The following MEGF10 variants were observed in gnomAD, a reference collection of about 807,000 sequenced individuals.
MEGF10 encodes multiple EGF like domains 10.
In MEGF10, 86 loss-of-function variants were observed where a neutral mutation model predicts 147.5. The ratio of observed to expected loss-of-function variants is 0.58; its 90% CI spans 0.49 to 0.70. MEGF10 has a LOEUF of 0.70. MEGF10 is among the 30% of genes least tolerant of loss of function. The pLI, the probability that MEGF10 is intolerant of heterozygous loss-of-function variation, is 0.00. For synonymous variants in MEGF10, 478 were observed against 525.5 expected, an observed-to-expected ratio of 0.91 and a Z score of 1.24; for missense variants, 1,329 against 1,487.3, an observed-to-expected ratio of 0.89 and a Z score of 1.75.
intron 1 of MEGF10, among the ~76,000 whole-genome samples, chr5:127,319,264 C>G (rs1033112570): frequency 6.6e-6 from 1 of 151,976 alleles, no homozygotes; most frequent in Non-Finnish European, 1.5e-5. Context: ...TTAGTAGAGA[C>G]AGGGTTTTAC....
At chr5:127,391,128 A>G (rs1304263671) in intron 5 of MEGF10, among the ~76,000 whole-genome samples, 4 of 118,444 alleles carry the variant, frequency 3.4e-5, no homozygotes, top group African/African-American at 8.6e-5. Flanking sequence ...ACACACACAC[A>G]CACACACACA....
intron 1 of MEGF10, among the ~76,000 whole-genome samples, chr5:127,317,553 C>T (rs146399887): frequency 0.015 from 2,307 of 152,194 alleles, 45 homozygotes; most frequent in Non-Finnish European, 0.02. Context: ...GTACACACCA[C>T]GGAATACTAT....
At chr5:127,247,084 G>A in the MEGF10 span, among the ~76,000 whole-genome samples, 2 of 139,484 alleles carry the variant, frequency 1.4e-5, no homozygotes, top group African/African-American at 5.3e-5. Flanking sequence ...TAGGGAAAGA[G>A]GAAGTAAAGC....
intron 5 of MEGF10, among the ~76,000 whole-genome samples, chr5:127,371,593 T>G (rs115341201): frequency 1.7e-3 from 253 of 152,264 alleles, no homozygotes; most frequent in African/African-American, 5.8e-3. Flanking sequence ...CAGAATAACT[T>G]CAGTTGTATT....
At position 127,443,055 on chromosome 5, in the gene MEGF10, A is replaced by G; in HGVS notation, c.2420A>G (p.Asn807Ser). ...CGCCAGATATGTGATTGTCTGAACA[A>G]CTCCACCTGCGACCACATCACTGGG... is the stretch of plus-strand genomic sequence containing the variant. ...GCRQICDCLN[N>S]STCDHITGTC... The change falls in exon 19 of 25, where the codon AAC (asparagine) becomes AGC (serine). Residue 807 changes from asparagine to serine, a missense_variant. Transcript: ENST00000503335. 6.2e-7 allele frequency: 1 copy of G among 1,613,610 alleles called. No homozygotes were observed. Among genetic ancestry groups the G allele is most frequent in the Non-Finnish European group, 8.5e-7 (1 of 1,179,734 alleles).
At chr5:127,294,835 T>TAATAATAAAAAA (rs56033520) in intron 1 of MEGF10, among the ~76,000 whole-genome samples, 29 of 143,138 alleles carry the variant, frequency 2.0e-4, no homozygotes, top group Admixed American at 7.7e-4. Flanking sequence ...ATAATAATAA[T>TAATAATAAAAAA]AAATAACTTG....
At chr5:127,354,178 G>A (rs1279257940) in intron 4 of MEGF10, among the ~76,000 whole-genome samples, 2 of 152,108 alleles carry the variant, frequency 1.3e-5, no homozygotes, top group Non-Finnish European at 2.9e-5. Flanking sequence ...TTCTGTAGAT[G>A]AACTTTACTC....
intron 1 of MEGF10, among the ~76,000 whole-genome samples, chr5:127,306,487 C>T (rs999477875): frequency 2.0e-4 from 30 of 152,172 alleles, no homozygotes; most frequent in African/African-American, 7.2e-4. Context: ...CCAGGTAGAG[C>T]AAAACCCATT....
chr5:127,424,486 T>G lies in MEGF10; in HGVS notation c.1693+1714T>G, dbSNP rs142900264. 1.3e-4 allele frequency: 184 copies of G among 1,407,776 alleles called. 3 individuals are homozygous for G. In the African/African-American group the frequency reaches 2.5e-3, roughly 19 times the overall value. 87.2% of individuals were successfully genotyped at this position (1,407,776 alleles called of 1,614,324 possible). ...ATACTGTCCACTTAACAATATGAAGTCTTCAGATTCATAAACATGGGATGT... is the reference window on the plus strand; with the variant it reads ...ATACTGTCCACTTAACAATATGAAGGCTTCAGATTCATAAACATGGGATGT... On this transcript the variant is annotated intron_variant, in intron 13 of 24. Coordinates refer to ENST00000503335, the MANE Select transcript of MEGF10 (RefSeq NM_001256545.2).
the MEGF10 span, among the ~76,000 whole-genome samples, chr5:127,251,582 C>A: frequency 6.6e-6 from 1 of 151,944 alleles, no homozygotes; most frequent in Non-Finnish European, 1.5e-5. Flanking sequence ...TAGGGTGAAG[C>A]TTGGTTATCC....
At chr5:127,266,804 G>C in the MEGF10 span, among the ~76,000 whole-genome samples, 3 of 152,170 alleles carry the variant, frequency 2.0e-5, no homozygotes, top group Non-Finnish European at 4.4e-5. Flanking sequence ...TTGCTTATCA[G>C]CTTAAGGAGA....
At chr5:127,273,175 C>G in the MEGF10 span, among the ~76,000 whole-genome samples, 1 of 152,202 alleles carries the variant, frequency 6.6e-6, no homozygotes, top group Non-Finnish European at 1.5e-5. Flanking sequence ...GACCCAAAAC[C>G]CTGATGGCAT....
At chr5:127,322,952 G>A (rs1167936451) in intron 1 of MEGF10, among the ~76,000 whole-genome samples, 7 of 152,002 alleles carry the variant, frequency 4.6e-5, no homozygotes, top group South Asian at 2.1e-4. Context: ...CACAATGTGT[G>A]TATACACATA....
At chr5:127,280,256 T>C in the MEGF10 span, among the ~76,000 whole-genome samples, 6 of 152,234 alleles carry the variant, frequency 3.9e-5, no homozygotes, top group East Asian at 9.6e-4. Flanking sequence ...AAACATTTGC[T>C]GGTTCTAAGT....
intron 5 of MEGF10, among the ~76,000 whole-genome samples, chr5:127,394,104 G>GT (rs1298389441): frequency 2.0e-5 from 3 of 152,008 alleles, no homozygotes; most frequent in Admixed American, 2.0e-4. Context: ...TGATCTTGTT[G>GT]TTTTTATCAA....
At chr5:127,443,196 T>C in intron 19 of MEGF10, 70 bp downstream of exon 19, 1 of 1,427,574 alleles carries the variant, frequency 7.0e-7, no homozygotes, top group East Asian at 2.6e-5. Flanking sequence ...CAATGTGAAG[T>C]ATTTTCACTT....
chr5:127,391,094 G>GCACACA (rs1561614572), intron 5 of MEGF10, among the ~76,000 whole-genome samples: 1 of 24,422 alleles, frequency 4.1e-5, no homozygotes, highest in African/African-American at 8.9e-5. Context: ...ACATGCGCGC[G>GCACACA]CGCGCGCGCA....
At chr5:127,416,714 G>A (rs929863569) in intron 9 of MEGF10, among the ~76,000 whole-genome samples, 5 of 152,102 alleles carry the variant, frequency 3.3e-5, no homozygotes, top group South Asian at 2.1e-4. Context: ...ATTATGGGGC[G>A]TGGCTGAGAC....
chr5:127,234,468 C>G, the MEGF10 span, among the ~76,000 whole-genome samples: 1 of 152,160 alleles, frequency 6.6e-6, no homozygotes, highest in Non-Finnish European at 1.5e-5. Context: ...CATTCTGTAC[C>G]ATTTTGTCCT....
Sources: gnomAD v4.1 joint callset for allele counts (sites outside exome capture counted in the v4.1 genomes callset) on GRCh38, gnomAD v4.1.1 for gene constraint, MANE v1.5 for transcripts, NCBI Gene and HGNC (gene_info 2026-07-23, HGNC 2026-07-21) for gene names.